VTI1A: variants seen among roughly 807,000 people sequenced by gnomAD.
VTI1A encodes vesicle transport through interaction with t-SNAREs homolog 1A.
VTI1A carries 22 observed loss-of-function variants against 34.9 expected under a neutral mutation model. The observed-to-expected ratio is 0.63, with a 90% CI of 0.45 to 0.90. VTI1A has a LOEUF of 0.90. Among genes scored for constraint, VTI1A ranks in the 40% least tolerant of loss-of-function variants. The pLI, the probability that VTI1A is intolerant of heterozygous loss-of-function variation, is 0.00. For missense variants in VTI1A, 268 were observed against 275.6 expected (o/e 0.97, Z 0.20); for synonymous variants, 87 against 97.3 (o/e 0.89, Z 0.62).
chr10:112,618,524 T>TATATATATATATATATATAGAGAG (rs748276058), intron 5 of VTI1A, among the ~76,000 whole-genome samples: 1 of 34,584 alleles, frequency 2.9e-5, no homozygotes, highest in Non-Finnish European at 4.4e-5. Flanking sequence ...TATATATATA[T>TATATATATATATATATATAGAGAG]AGAGAGAGAG....
At chr10:112,665,997 AAAGTTTT>A (rs1847627919) in intron 5 of VTI1A, among the ~76,000 whole-genome samples, 1 of 152,196 alleles carries the variant, frequency 6.6e-6, no homozygotes, top group Non-Finnish European at 1.5e-5. Context: ...ATATATATTA[AAAGTTTT>A]AAGTGAAAAA....
At chr10:112,776,734 G>A (rs143592426) in intron 7 of VTI1A, among the ~76,000 whole-genome samples, 58 of 143,356 alleles carry the variant, frequency 4.0e-4, no homozygotes, top group African/African-American at 1.3e-3. Flanking sequence ...GTTGGAGTAC[G>A]TGGGGTGATC....
chr10:112,488,058 A>G (rs1848702616), intron 3 of VTI1A, among the ~76,000 whole-genome samples: 1 of 152,192 alleles, frequency 6.6e-6, no homozygotes, highest in Admixed American at 6.5e-5. Flanking sequence ...CATGTTATAA[A>G]TAAATTAAAA....
chr10:112,456,693 C>T (rs1401476653), intron 1 of VTI1A, among the ~76,000 whole-genome samples: 1 of 152,166 alleles, frequency 6.6e-6, no homozygotes, highest in Non-Finnish European at 1.5e-5. Flanking sequence ...ACTTAAACCC[C>T]CTTATTCCAG....
At chr10:112,788,181 T>G (rs1852352757) in intron 7 of VTI1A, among the ~76,000 whole-genome samples, 1 of 152,146 alleles carries the variant, frequency 6.6e-6, no homozygotes, top group Admixed American at 6.5e-5. Flanking sequence ...TCTAGTCTAC[T>G]TAGTCTTCTA....
At chr10:112,501,206 T>C (rs560756533) in intron 3 of VTI1A, among the ~76,000 whole-genome samples, 27 of 152,218 alleles carry the variant, frequency 1.8e-4, no homozygotes, top group Non-Finnish European at 3.1e-4. Flanking sequence ...TAGAACCCTA[T>C]ATCTGTAGTC....
At chr10:112,763,778 C>T (rs932339015) in intron 7 of VTI1A, among the ~76,000 whole-genome samples, 2 of 152,106 alleles carry the variant, frequency 1.3e-5, no homozygotes, top group East Asian at 3.9e-4. Flanking sequence ...AAATGCACAT[C>T]GAGGTCATTG....
chr10:112,473,956 A>AT (rs1297512444), intron 3 of VTI1A, among the ~76,000 whole-genome samples: 6 of 152,168 alleles, frequency 3.9e-5, no homozygotes, highest in African/African-American at 9.7e-5. Flanking sequence ...ATGCTAGCAA[A>AT]TTTGCATGGT....
At chr10:112,664,522 A>T (rs1411617328) in intron 5 of VTI1A, among the ~76,000 whole-genome samples, 2 of 152,182 alleles carry the variant, frequency 1.3e-5, no homozygotes, top group East Asian at 3.8e-4. Flanking sequence ...TCTTATTTTC[A>T]TGATGTCAGG....
the VTI1A span, among the ~76,000 whole-genome samples, chr10:112,828,908 G>A: frequency 1.3e-5 from 2 of 151,126 alleles, no homozygotes; most frequent in Admixed American, 6.6e-5. Flanking sequence ...CATGGCACCA[G>A]GATCATGAAG....
chr10:112,796,803 A>G (rs1852691722), intron 7 of VTI1A, among the ~76,000 whole-genome samples: 2 of 152,220 alleles, frequency 1.3e-5, no homozygotes, highest in Non-Finnish European at 1.5e-5. Flanking sequence ...GTAAACCATT[A>G]GTGAATACAT....
At chr10:112,837,913 C>T in the VTI1A span, among the ~76,000 whole-genome samples, 75 of 152,328 alleles carry the variant, frequency 4.9e-4, 1 homozygote, top group African/African-American at 1.8e-3. Context: ...GTACCCAGCT[C>T]AATCCAGGCC....
intron 3 of VTI1A, among the ~76,000 whole-genome samples, chr10:112,507,234 G>A (rs989166939): frequency 6.6e-6 from 1 of 152,074 alleles, no homozygotes; most frequent in Admixed American, 6.6e-5. Context: ...ATGCTGGCGC[G>A]TTTCCAGAGA....
At chr10:112,516,961 A>G (rs529421097) in intron 3 of VTI1A, among the ~76,000 whole-genome samples, 340 of 152,190 alleles carry the variant, frequency 2.2e-3, no homozygotes, top group Non-Finnish European at 3.9e-3. Flanking sequence ...GGTACTCAAT[A>G]GGAATTGGAT....
At chr10:112,555,962 G>C (rs2134314223) in intron 5 of VTI1A, among the ~76,000 whole-genome samples, 1 of 152,090 alleles carries the variant, frequency 6.6e-6, no homozygotes, top group South Asian at 2.1e-4. Context: ...ATTTACTGTT[G>C]TTATTAATGT....
intron 5 of VTI1A, among the ~76,000 whole-genome samples, chr10:112,644,092 A>AGT (rs1286730020): frequency 6.6e-6 from 1 of 152,206 alleles, no homozygotes; most frequent in East Asian, 1.9e-4. Flanking sequence ...TGCACTGCAA[A>AGT]GTATGTGCAT....
intron 7 of VTI1A, among the ~76,000 whole-genome samples, chr10:112,678,377 G>A (rs1443790294): frequency 6.6e-6 from 1 of 152,102 alleles, no homozygotes; most frequent in African/African-American, 2.4e-5. Context: ...AAGTAATGGA[G>A]CCCTTAGCCC....
chr10:112,660,394 G>A (rs185196993), intron 5 of VTI1A, among the ~76,000 whole-genome samples: 4 of 152,150 alleles, frequency 2.6e-5, no homozygotes, highest in East Asian at 3.9e-4. Flanking sequence ...CACCATGCCC[G>A]GCCCAAGTTC....
intron 7 of VTI1A, among the ~76,000 whole-genome samples, chr10:112,684,762 T>C (rs879587898): frequency 2.6e-5 from 4 of 152,166 alleles, no homozygotes; most frequent in Admixed American, 2.6e-4. Flanking sequence ...TATGACTTCC[T>C]CATTCTTGAG....
Sources: allele counts gnomAD v4.1 joint callset (sites outside exome capture counted in the v4.1 genomes callset), GRCh38; gene constraint gnomAD v4.1.1; transcripts MANE v1.5; gene names NCBI Gene and HGNC (gene_info 2026-07-23, HGNC 2026-07-21).